The following LRRIQ1 variants were observed in gnomAD, a reference collection of about 807,000 sequenced individuals.
LRRIQ1 encodes leucine rich repeats and IQ motif containing 1, also known as leucine-rich repeat- and IQ domain-containing protein 1.
In LRRIQ1, 210 loss-of-function variants were observed where a neutral mutation model predicts 211.9. That is an observed-to-expected ratio of 0.99 (90% CI 0.89 to 1.11). LRRIQ1 has a LOEUF of 1.11. Ranked by LOEUF, LRRIQ1 falls within the 50% of genes most tolerant of loss-of-function variation. The probability of loss-of-function intolerance (pLI) is 0.00; values close to 1 mark genes in which losing one functional copy is unlikely to be tolerated. For missense variants in LRRIQ1, 2,136 were observed against 1,939.5 expected, an observed-to-expected ratio of 1.10 and a Z score of -1.90; for synonymous variants, 699 against 650.1, an observed-to-expected ratio of 1.08 and a Z score of -1.14.
chr12:85,245,034 T>C lies in LRRIQ1; in HGVS notation c.*93T>C. 6.9e-7 allele frequency: 1 copy of C among 1,450,544 alleles called. No individual in the cohort carries two copies. The highest frequency in any genetic ancestry group is 9.1e-7 in the Non-Finnish European group (1 of 1,095,008). The allele number at this position is 1,450,544 out of a possible 1,614,324, so 89.9% of individuals were successfully genotyped here. A position where few individuals can be genotyped will look rare whatever the true frequency, so the allele number is the denominator to read the frequency against. On this transcript the variant is annotated 3_prime_UTR_variant, in exon 27 of 27. Transcript: ENST00000393217. The stretch of plus-strand genomic sequence containing the variant: ...CAGCAACCTGAACTGCCCAAAAATG[T>C]GTATTTAAATTTTTTCTTTCTTTAA...
In LRRIQ1 at chr12:85,230,118, A is replaced by G. The variant is rs1309632750; in HGVS notation, c.4955+469A>G. Among the ~76,000 whole-genome samples the G allele has an allele frequency of 2.0e-5, 3 of 152,200 alleles. No homozygotes were observed. In the South Asian group the frequency reaches 6.2e-4, roughly 31 times the overall value. ...AATAGAGAGAGAATAATTCTAACTC[A>G]TGGCGTACAGGTGAGCTACAAGGTT... On this transcript the variant is annotated intron_variant, in intron 25 of 26. Coordinates refer to ENST00000393217, the MANE Select transcript of LRRIQ1 (RefSeq NM_001079910.2).
intron 11 of LRRIQ1, among the ~76,000 whole-genome samples, chr12:85,080,091 A>G (rs1209627860): frequency 1.3e-5 from 2 of 152,112 alleles, no homozygotes; most frequent in Admixed American, 6.6e-5. Context: ...CCACAAATAC[A>G]TATACGTACG....
intron 24 of LRRIQ1, among the ~76,000 whole-genome samples, chr12:85,219,132 C>T (rs1238442747): frequency 6.6e-6 from 1 of 151,998 alleles, no homozygotes; most frequent in East Asian, 1.9e-4. Context: ...CTTAAGCAAC[C>T]TAGGATTTTC....
chr12:85,244,994 T>A lies in LRRIQ1; in HGVS notation c.*53T>A, dbSNP rs1429135830. On this transcript the variant is annotated 3_prime_UTR_variant, in exon 27 of 27. Coordinates refer to ENST00000393217, the MANE Select transcript of LRRIQ1 (RefSeq NM_001079910.2). ...ATGCCAACAAGCATTCTTTTTCAGATAGGGGGTAGGATGCCAGCAACCTGA... is the reference window on the plus strand; with the variant it reads ...ATGCCAACAAGCATTCTTTTTCAGAAAGGGGGTAGGATGCCAGCAACCTGA... 1 of 1,588,858 alleles carries A rather than the reference T, an allele frequency of 6.3e-7. No homozygotes were observed. The highest frequency in any genetic ancestry group is 8.6e-7 in the Non-Finnish European group (1 of 1,165,662).
At chr12:85,226,025 T>G (rs567635582) in intron 24 of LRRIQ1, among the ~76,000 whole-genome samples, 56 of 152,286 alleles carry the variant, frequency 3.7e-4, no homozygotes, top group African/African-American at 1.3e-3. Flanking sequence ...ATCTACCAAT[T>G]TATGCCTTGG....
chr12:85,190,370 T>C (rs1287839704), intron 24 of LRRIQ1, among the ~76,000 whole-genome samples: 1 of 146,368 alleles, frequency 6.8e-6, no homozygotes, highest in African/African-American at 2.5e-5. Context: ...ACTATACAGT[T>C]AATAAATATA....
downstream of LRRIQ1, among the ~76,000 whole-genome samples, chr12:85,269,344 T>C (rs1383073056): frequency 6.6e-6 from 1 of 152,074 alleles, no homozygotes; most frequent in Non-Finnish European, 1.5e-5. Flanking sequence ...ATTATTGGTG[T>C]ATTTTGAAAT....
intron 24 of LRRIQ1, among the ~76,000 whole-genome samples, chr12:85,207,062 T>C (rs1242996863): frequency 2.6e-5 from 4 of 152,182 alleles, no homozygotes. Context: ...GTTCATGTCC[T>C]GGAGGACCGT....
Position 85,098,994 on chromosome 12 carries a change from G to A in LRRIQ1, c.3209G>A (p.Ser1070Asn). 1 of 1,531,518 alleles carries A rather than the reference G, an allele frequency of 6.5e-7. No individual in the cohort carries two copies. The highest frequency in any genetic ancestry group is 2.4e-5 in the East Asian group (1 of 40,974). The allele number at this position is 1,531,518 out of a possible 1,614,324, so 94.9% of individuals were successfully genotyped here. A position where few individuals can be genotyped will look rare whatever the true frequency, so the allele number is the denominator to read the frequency against. Residue 1070 changes from serine to asparagine, a missense_variant and splice_region_variant, in exon 13 of 27, where the codon AGC (serine) becomes AAC (asparagine). Coordinates refer to ENST00000393217, the MANE Select transcript of LRRIQ1 (RefSeq NM_001079910.2). ...CAAAATATTACTATCTCTCAAAACA[G>A]GTAAAAGCATACTTAAGAAATAAAT... is the stretch of plus-strand genomic sequence containing the variant. The part of the protein sequence containing the change: ...LLQNITISQN[S>N]LTKIVPLFHF...
chr12:85,097,947 A>C (rs930655771), intron 11 of LRRIQ1, among the ~76,000 whole-genome samples: 4 of 152,160 alleles, frequency 2.6e-5, no homozygotes, highest in Non-Finnish European at 4.4e-5. Context: ...ATGGTAGGAA[A>C]ATGACATTCT....
intron 25 of LRRIQ1, among the ~76,000 whole-genome samples, chr12:85,231,915 A>T (rs1220691802): frequency 2.0e-5 from 3 of 152,170 alleles, no homozygotes; most frequent in Non-Finnish European, 4.4e-5. Flanking sequence ...ACCATAAGAG[A>T]AAGCATCCTT....
At chr12:85,072,667 T>A (rs917784927) in intron 10 of LRRIQ1, among the ~76,000 whole-genome samples, 2 of 151,992 alleles carry the variant, frequency 1.3e-5, no homozygotes, top group Non-Finnish European at 2.9e-5. Context: ...CTCTCTTTAA[T>A]GCCTTTGAAA....
intron 13 of LRRIQ1, among the ~76,000 whole-genome samples, chr12:85,099,568 G>T (rs1886182535): frequency 6.6e-6 from 1 of 151,700 alleles, no homozygotes; most frequent in Non-Finnish European, 1.5e-5. Context: ...AGAATAACTG[G>T]CTAAACCAAA....
At chr12:85,065,492 C>T in intron 9 of LRRIQ1, 78 bp downstream of exon 9, 2 of 1,196,114 alleles carry the variant, frequency 1.7e-6, no homozygotes, top group Non-Finnish European at 2.2e-6. Context: ...AGAAATGACC[C>T]TTTTGAAGAA....
intron 1 of LRRIQ1, among the ~76,000 whole-genome samples, chr12:85,262,042 G>C (rs142300958): frequency 0.017 from 2,558 of 152,106 alleles, 46 homozygotes; most frequent in African/African-American, 0.047. Context: ...CGCCAGCCTT[G>C]GTCTCCCAGT....
chr12:85,215,877 CAGA>C (rs1894054544), intron 24 of LRRIQ1, among the ~76,000 whole-genome samples: 1 of 152,132 alleles, frequency 6.6e-6, no homozygotes, highest in African/African-American at 2.4e-5. Context: ...ATAATACCTA[CAGA>C]ATTGTTCTAT....
chr12:85,173,647 A>G (rs1398242637), intron 24 of LRRIQ1, among the ~76,000 whole-genome samples: 1 of 151,516 alleles, frequency 6.6e-6, no homozygotes, highest in Non-Finnish European at 1.5e-5. Flanking sequence ...ACACACACAT[A>G]CACACACACA....
intron 24 of LRRIQ1, among the ~76,000 whole-genome samples, chr12:85,161,137 A>T (rs564751447): frequency 1.4e-4 from 21 of 152,200 alleles, no homozygotes; most frequent in Non-Finnish European, 2.5e-4. Flanking sequence ...AATTTAAAAT[A>T]TTTTACAATA....
intron 11 of LRRIQ1, among the ~76,000 whole-genome samples, chr12:85,096,082 T>C (rs1458621696): frequency 6.6e-6 from 1 of 152,142 alleles, no homozygotes; most frequent in East Asian, 1.9e-4. Context: ...TAGTAGTCTA[T>C]TTATCTTGTT....
Sources: gnomAD v4.1 joint callset for allele counts (sites outside exome capture counted in the v4.1 genomes callset) on GRCh38, gnomAD v4.1.1 for gene constraint, MANE v1.5 for transcripts, NCBI Gene and HGNC (gene_info 2026-07-23, HGNC 2026-07-21) for gene names.